The following LDAH variants were observed in gnomAD, a reference collection of about 807,000 sequenced individuals.
The protein encoded by LDAH is lipid droplet associated hydrolase.
In LDAH, 26 loss-of-function variants were observed where a neutral mutation model predicts 29.6. The observed-to-expected ratio is 0.88, with a 90% CI of 0.64 to 1.22. The LOEUF (loss-of-function observed/expected upper bound fraction) is 1.22. LDAH is among the 50% of genes most tolerant of loss of function. The pLI, the probability that LDAH is intolerant of heterozygous loss-of-function variation, is 0.00. For synonymous variants in LDAH, 117 were observed against 133.0 expected (o/e 0.88, Z 0.83); for missense variants, 344 against 387.3 (o/e 0.89, Z 0.94).
At chr2:20,739,138 C>T (rs1302936216) in intron 5 of LDAH, among the ~76,000 whole-genome samples, 1 of 152,176 alleles carries the variant, frequency 6.6e-6, no homozygotes, top group African/African-American at 2.4e-5. Flanking sequence ...AATACTAAAC[C>T]TTATTAGTTC....
At chr2:20,774,083 T>C (rs1210114796) in intron 4 of LDAH, among the ~76,000 whole-genome samples, 1 of 152,250 alleles carries the variant, frequency 6.6e-6, no homozygotes, top group Non-Finnish European at 1.5e-5. Flanking sequence ...TATATGTTTG[T>C]TGAATAAAGA....
intron 2 of LDAH, among the ~76,000 whole-genome samples, chr2:20,795,371 C>T (rs1011083579): frequency 2.4e-4 from 36 of 152,124 alleles, no homozygotes; most frequent in Admixed American, 1.5e-3. Context: ...TGTAGACAGA[C>T]CTATTGGACT....
intron 2 of LDAH, among the ~76,000 whole-genome samples, chr2:20,797,986 G>A (rs1671417903): frequency 6.6e-6 from 1 of 152,096 alleles, no homozygotes; most frequent in Non-Finnish European, 1.5e-5. Context: ...TCGAAAATGT[G>A]GGTAGAGAAT....
intron 3 of LDAH, among the ~76,000 whole-genome samples, chr2:20,782,501 C>T (rs1670265260): frequency 6.6e-6 from 1 of 152,080 alleles, no homozygotes; most frequent in Admixed American, 6.5e-5. Context: ...CTTGTTTTGT[C>T]CTTATTCAGC....
At position 20,794,299 on chromosome 2, in the gene LDAH, G is replaced by A. The variant is rs186178045; in HGVS notation, c.155-3901C>T. On this transcript the variant is annotated intron_variant, in intron 2 of 6. Coordinates refer to ENST00000237822, the MANE Select transcript of LDAH (RefSeq NM_021925.4). ...TCCCACTGAGCCCCTCCCACAACAC[G>A]TGGAAATTGTGGGAGTTACAATTCA... Among the ~76,000 whole-genome samples the A allele has an allele frequency of 3.1e-3, 465 of 152,190 alleles. 2 individuals carry two copies. The highest frequency in any genetic ancestry group is 0.011 in the African/African-American group (437 of 41,534).
chr2:20,779,774 TTTTTAAAA>T (rs1670059645), intron 3 of LDAH, among the ~76,000 whole-genome samples: 1 of 152,064 alleles, frequency 6.6e-6, no homozygotes, highest in Admixed American at 6.5e-5. Context: ...TTTTGCTACG[TTTTTAAAA>T]ATTTCTCAAA....
At chr2:20,751,909 G>A (rs1668001398) in intron 4 of LDAH, among the ~76,000 whole-genome samples, 1 of 152,098 alleles carries the variant, frequency 6.6e-6, no homozygotes, top group African/African-American at 2.4e-5. Context: ...TAGTTTTATA[G>A]AGACAAGTTC....
chr2:20,737,168 G>C (rs13394765), intron 5 of LDAH, among the ~76,000 whole-genome samples: 1 of 152,144 alleles, frequency 6.6e-6, no homozygotes, highest in African/African-American at 2.4e-5. Context: ...AGAAAACCCA[G>C]AGAACTCACC....
chr2:20,768,741 C>T (rs1011655765), intron 4 of LDAH, among the ~76,000 whole-genome samples: 4 of 152,224 alleles, frequency 2.6e-5, no homozygotes, highest in Non-Finnish European at 5.9e-5. Context: ...CAAATGAAAT[C>T]ATTCCGCTGA....
Position 20,684,754 on chromosome 2 carries a change from G to C in LDAH, c.*2149C>G, listed in dbSNP as rs934374320. ...GTCAAAGCTCAATCGCTGAGCACTC[G>C]GTAACTCTGCAGGAAGTTAAAACTT... is the stretch of plus-strand genomic sequence containing the variant. On this transcript the variant is annotated 3_prime_UTR_variant, in exon 7 of 7. Coordinates refer to ENST00000237822, the MANE Select transcript of LDAH (RefSeq NM_021925.4). 2 of 1,050,086 alleles carry C rather than the reference G, an allele frequency of 1.9e-6. No homozygotes were observed. Among genetic ancestry groups the C allele is most frequent in the Non-Finnish European group, 2.7e-6 (2 of 736,940 alleles). 65.0% of individuals were successfully genotyped at this position (1,050,086 alleles called of 1,614,324 possible).
intron 5 of LDAH, among the ~76,000 whole-genome samples, chr2:20,719,067 G>A (rs1261931346): frequency 2.0e-5 from 3 of 151,550 alleles, no homozygotes; most frequent in Admixed American, 1.3e-4. Context: ...AAAAAATACA[G>A]GCTTCAAATA....
At chr2:20,767,720 G>A (rs897478802) in intron 4 of LDAH, among the ~76,000 whole-genome samples, 1 of 152,210 alleles carries the variant, frequency 6.6e-6, no homozygotes, top group Non-Finnish European at 1.5e-5. Flanking sequence ...GGGACTTGTG[G>A]TGCCCTTTCT....
At chr2:20,800,911 C>T (rs780310121) in intron 2 of LDAH, among the ~76,000 whole-genome samples, 20 of 152,218 alleles carry the variant, frequency 1.3e-4, no homozygotes, top group Non-Finnish European at 2.6e-4. Context: ...GGATTATAGG[C>T]GTGAGCCATT....
intron 3 of LDAH, among the ~76,000 whole-genome samples, chr2:20,782,283 G>C (rs1670246966): frequency 1.3e-5 from 2 of 152,198 alleles, no homozygotes; most frequent in South Asian, 4.1e-4. Context: ...GAGAACACCT[G>C]ATCAAGGGTG....
At chr2:20,783,402 G>A (rs1209042280) in intron 3 of LDAH, among the ~76,000 whole-genome samples, 4 of 152,114 alleles carry the variant, frequency 2.6e-5, no homozygotes, top group African/African-American at 9.7e-5. Flanking sequence ...TACAGAAAAA[G>A]GATTGCTGAT....
chr2:20,761,260 CT>C lies in LDAH; in HGVS notation c.468+13549del, dbSNP rs1668668024. On this transcript the variant is annotated intron_variant, in intron 4 of 6. Coordinates refer to ENST00000237822, the MANE Select transcript of LDAH (RefSeq NM_021925.4). ...TTACCAGCAGAAGCTGCTGATGTAA[CT>C]TTCATATAGTTTAATTTAATTAAAT... 2.0e-5 allele frequency among the ~76,000 whole-genome samples: 3 copies of C among 152,062 alleles called. No individual in the cohort carries two copies. In the South Asian group the frequency reaches 6.2e-4, roughly 32 times the overall value.
intron 6 of LDAH, among the ~76,000 whole-genome samples, chr2:20,692,004 T>TG (rs1348413318): frequency 1.3e-5 from 2 of 151,672 alleles, no homozygotes; most frequent in Non-Finnish European, 2.9e-5. Context: ...CTTCTGTGTG[T>TG]TTTTTTTTCC....
chr2:20,720,265 G>T (rs1665555549), intron 5 of LDAH, among the ~76,000 whole-genome samples: 1 of 152,034 alleles, frequency 6.6e-6, no homozygotes, highest in African/African-American at 2.4e-5. Flanking sequence ...TAGTAAAGTT[G>T]CAGGATACAA....
chr2:20,784,058 C>T (rs1323890033), intron 3 of LDAH, among the ~76,000 whole-genome samples: 5 of 152,164 alleles, frequency 3.3e-5, no homozygotes, highest in Non-Finnish European at 7.3e-5. Context: ...TCTCCCCCTA[C>T]CACTCCAACA....
Sources: allele counts gnomAD v4.1 joint callset (sites outside exome capture counted in the v4.1 genomes callset), GRCh38; gene constraint gnomAD v4.1.1; transcripts MANE v1.5; gene names NCBI Gene and HGNC (gene_info 2026-07-23, HGNC 2026-07-21).